TWIST2: variants seen among roughly 807,000 people sequenced by gnomAD.
TWIST2 encodes the protein twist-related protein 2.
In TWIST2, 1 loss-of-function variant was observed where a neutral mutation model predicts 11.6. The observed-to-expected ratio is 0.09, with a 90% CI of 0.03 to 0.41. The LOEUF is 0.41. TWIST2 is among the 10% of genes least tolerant of loss of function. The pLI is 0.98. For synonymous variants in TWIST2, 87 were observed against 96.6 expected (o/e 0.90, Z 0.58); for missense variants, 168 against 226.4 (o/e 0.74, Z 1.66).
chr2:238,870,187 T>TACACACCACACCCCA lies in TWIST2; in HGVS notation c.*35+21454_*35+21455insACACACCACACCCCA, dbSNP rs1692630749. ...ACACACCACACACCCCACACACACATCACATACCACACACAAACCACACAC... is the reference window on the plus strand; with the variant it reads ...ACACACCACACACCCCACACACACATACACACCACACCCCACACATACCACACACAAACCACACAC... On this transcript the variant is annotated intron_variant, in intron 1 of 1. Coordinates refer to ENST00000612363, the MANE Select transcript of TWIST2 (RefSeq NM_001271893.4). 5.3e-3 allele frequency among the ~76,000 whole-genome samples: 2 copies of TACACACCACACCCCA among 374 alleles called. 1 individual carries two copies. 0.2% of individuals were successfully genotyped at this position (374 alleles called of 152,430 possible).
chr2:238,851,378 G>T (rs1232428956), intron 1 of TWIST2, among the ~76,000 whole-genome samples: 2 of 152,174 alleles, frequency 1.3e-5, no homozygotes, highest in African/African-American at 4.8e-5. Context: ...AATCTCAAAA[G>T]GATTTTTTTA....
intron 1 of TWIST2, among the ~76,000 whole-genome samples, chr2:238,855,817 C>G (rs574826338): frequency 2.0e-4 from 31 of 152,312 alleles, no homozygotes; most frequent in African/African-American, 7.5e-4. Flanking sequence ...CAAAGGTCAT[C>G]TAGGGGCTCC....
intron 1 of TWIST2, among the ~76,000 whole-genome samples, chr2:238,885,014 C>T (rs1332834799): frequency 2.0e-5 from 3 of 152,224 alleles, no homozygotes; most frequent in Admixed American, 1.3e-4. Flanking sequence ...CGTGGAGACA[C>T]GTTTCTCCTG....
intron 1 of TWIST2, among the ~76,000 whole-genome samples, chr2:238,857,892 G>A (rs1214856777): frequency 3.9e-5 from 6 of 152,070 alleles, no homozygotes; most frequent in Non-Finnish European, 5.9e-5. Flanking sequence ...AGCTGAGATC[G>A]CGCCACTGCA....
At chr2:238,906,869 G>T (rs964575993) in intron 1 of TWIST2, among the ~76,000 whole-genome samples, 15 of 152,226 alleles carry the variant, frequency 9.9e-5, no homozygotes, top group African/African-American at 3.4e-4. Context: ...CGGGAGGAGG[G>T]TCTCGTTGCG....
rs1692570376 is a variant in TWIST2 at position 238,867,829 on chromosome 2, G to C, written c.*35+19096G>C. Among the ~76,000 whole-genome samples, 1 of 152,156 alleles carries C rather than the reference G, an allele frequency of 6.6e-6. No individual in the cohort carries two copies. Among genetic ancestry groups the C allele is most frequent in the Non-Finnish European group, 1.5e-5 (1 of 68,040 alleles). ...TTCCCAGAGCTGAGGGGCATCCCTC[G>C]AAGGCGGGAGGGAGAGAAGTGGGAG... On this transcript the variant is annotated intron_variant, in intron 1 of 1. Coordinates refer to ENST00000612363, the MANE Select transcript of TWIST2 (RefSeq NM_001271893.4). This position sits in a 1 kb window ranked among gnomAD's most constrained non-coding sequence, Gnocchi z 4.8.
intron 1 of TWIST2, among the ~76,000 whole-genome samples, chr2:238,881,553 A>C (rs956277507): frequency 6.6e-6 from 1 of 152,000 alleles, no homozygotes; most frequent in Non-Finnish European, 1.5e-5. Context: ...ATTTATTAGT[A>C]TTAGCGTTAG....
rs1027220792 is a variant in TWIST2, at chr2:238,900,250, G to A, written c.*36-9592G>A. ...ATTAAGAGTGTGAGTTCACGAATCC[G>A]ACTGCCTGGTGACAGTCTGGCTCCT... On this transcript the variant is annotated intron_variant, in intron 1 of 1. Transcript: ENST00000612363. Among the ~76,000 whole-genome samples, 160 of 152,290 alleles carry A rather than the reference G, an allele frequency of 1.1e-3. 3 individuals carry two copies. The highest frequency in any genetic ancestry group is 9.7e-3 in the Admixed American group (148 of 15,298).
rs1692500917 is a variant in TWIST2 at position 238,864,678 on chromosome 2, C to T, written c.*35+15945C>T. Among the ~76,000 whole-genome samples, 1 of 152,126 alleles carries T rather than the reference C, an allele frequency of 6.6e-6. No homozygotes were observed. On this transcript the variant is annotated intron_variant, in intron 1 of 1. Transcript: ENST00000612363. The surrounding 1 kb of genome is among the most constrained non-coding windows in gnomAD (Gnocchi z 4.7). ...CGGGAGAAGAGGAGGTGGGAGGGTG[C>T]GGGGCCGTGGCTTGCTCTGTGGGGA... is the stretch of plus-strand genomic sequence containing the variant.
At chr2:238,905,046 A>G (rs899199319) in intron 1 of TWIST2, among the ~76,000 whole-genome samples, 2 of 136,582 alleles carry the variant, frequency 1.5e-5, no homozygotes, top group Non-Finnish European at 1.6e-5. Flanking sequence ...GTGGGTGGCT[A>G]GGTGGGTGGC....
chr2:238,883,409 A>C (rs1287867808), intron 1 of TWIST2, among the ~76,000 whole-genome samples: 2 of 152,220 alleles, frequency 1.3e-5, no homozygotes, highest in African/African-American at 4.8e-5. Flanking sequence ...TTGCTGCTGT[A>C]GCTGGTCGTC....
intron 1 of TWIST2, among the ~76,000 whole-genome samples, chr2:238,909,126 T>G (rs1574770698): frequency 3.1e-5 from 3 of 95,790 alleles, no homozygotes; most frequent in African/African-American, 1.2e-4. Context: ...TGGGGTGGGG[T>G]GTGTTCGTGG....
chr2:238,881,501 A>C (rs1018067166), intron 1 of TWIST2, among the ~76,000 whole-genome samples: 4 of 151,832 alleles, frequency 2.6e-5, no homozygotes, highest in African/African-American at 9.7e-5. Context: ...GTTAGTATTA[A>C]TGTTGGTGTT....
intron 1 of TWIST2, among the ~76,000 whole-genome samples, chr2:238,885,083 A>G (rs1311042067): frequency 6.6e-6 from 1 of 152,176 alleles, no homozygotes; most frequent in East Asian, 1.9e-4. Flanking sequence ...GCACCTTCTC[A>G]TGCCTCTCAG....
chr2:238,909,305 G>A lies in TWIST2; in HGVS notation c.*36-537G>A, dbSNP rs1173148487. Among the ~76,000 whole-genome samples the A allele has an allele frequency of 2.0e-5, 3 of 151,980 alleles. No homozygotes were observed. In the South Asian group the frequency reaches 6.2e-4, roughly 31 times the overall value. ...TGTCTTTGCAACTTCCCGTGTGTCT[G>A]CAATTGTTTTGAAAGCACGCATTTT... On this transcript the variant is annotated intron_variant, in intron 1 of 1. Transcript: ENST00000612363.
chr2:238,871,981 C>T (rs1319270993), intron 1 of TWIST2, among the ~76,000 whole-genome samples: 2 of 152,202 alleles, frequency 1.3e-5, no homozygotes, highest in Non-Finnish European at 2.9e-5. Flanking sequence ...GTTAAGGTCA[C>T]ACAGCAGCGT....
At chr2:238,902,832 AGTG>A (rs1693290210) in intron 1 of TWIST2, among the ~76,000 whole-genome samples, 1 of 19,964 alleles carries the variant, frequency 5.0e-5, no homozygotes, top group Non-Finnish European at 8.7e-5. Context: ...TATGTGATAT[AGTG>A]TGTGTGATGT....
In TWIST2 at chr2:238,864,266, T is replaced by G. The variant is rs1692489711; in HGVS notation, c.*35+15533T>G. Among the ~76,000 whole-genome samples, 1 of 152,196 alleles carries G rather than the reference T, an allele frequency of 6.6e-6. No homozygotes were observed. Among genetic ancestry groups the G allele is most frequent in the Non-Finnish European group, 1.5e-5 (1 of 68,028 alleles). Reference sequence around the variant, plus strand: ...CCACATTACACCCCAAGCACGCGACTGTGAGCGGCGATCGGGGCCTGATCC... The same window carrying G: ...CCACATTACACCCCAAGCACGCGACGGTGAGCGGCGATCGGGGCCTGATCC... On this transcript the variant is annotated intron_variant, in intron 1 of 1. Transcript: ENST00000612363. The surrounding 1 kb of genome is among the most constrained non-coding windows in gnomAD (Gnocchi z 4.7).
intron 1 of TWIST2, among the ~76,000 whole-genome samples, chr2:238,905,667 T>C (rs1375445782): frequency 6.6e-6 from 1 of 152,176 alleles, no homozygotes; most frequent in African/African-American, 2.4e-5. Flanking sequence ...TCAAAAGCTG[T>C]GGTAATTATT....
Sources: allele counts gnomAD v4.1 joint callset (sites outside exome capture counted in the v4.1 genomes callset), GRCh38; gene constraint gnomAD v4.1.1; non-coding constraint Gnocchi (gnomAD v3.1); transcripts MANE v1.5; gene names NCBI Gene and HGNC (gene_info 2026-07-23, HGNC 2026-07-21).